Variants in ARPC3 observed in about 807,000 individuals in gnomAD.
ARPC3 encodes actin related protein 2/3 complex subunit 3, also known as actin-related protein 2/3 complex subunit 3.
ARPC3 carries 12 observed loss-of-function variants against 27.6 expected under a neutral mutation model. The observed-to-expected ratio is 0.43, with a 90% CI of 0.28 to 0.70. The LOEUF (loss-of-function observed/expected upper bound fraction) is 0.70. Ranked by LOEUF, ARPC3 falls within the 30% of genes least tolerant of loss-of-function variation. The pLI is 0.17. For synonymous variants in ARPC3, 53 were observed against 67.2 expected (o/e 0.79, Z 1.03); for missense variants, 153 against 207.7 (o/e 0.74, Z 1.62).
chr12:110,446,637 C>T (rs1398096033), intron 1 of ARPC3, among the ~76,000 whole-genome samples: 2 of 138,342 alleles, frequency 1.4e-5, no homozygotes, highest in African/African-American at 5.5e-5. Flanking sequence ...GAGACGGAGT[C>T]TTGCCCTGTC....
At chr12:110,437,659 C>T (rs568447012) in intron 3 of ARPC3, among the ~76,000 whole-genome samples, 2 of 152,242 alleles carry the variant, frequency 1.3e-5, no homozygotes, top group Admixed American at 6.5e-5. Context: ...TGAGCCACCA[C>T]GCTCGGCTGA....
At chr12:110,440,485 A>G in intron 2 of ARPC3, 97 bp from the exon 3 acceptor site, 6 of 803,504 alleles carry the variant, frequency 7.5e-6, no homozygotes, top group Non-Finnish European at 1.3e-5. Context: ...TACAACTGTC[A>G]ACAGTTGTGG....
chr12:110,450,159 C>T lies in ARPC3; in HGVS notation c.6+96G>A, dbSNP rs377345451. ...TCCTTCTCGGGCCCCAGCTTCCTCTCTGCCTTCCGCCGCCCGCTTCTCTCG... is the reference window on the plus strand; with the variant it reads ...TCCTTCTCGGGCCCCAGCTTCCTCTTTGCCTTCCGCCGCCCGCTTCTCTCG... On this transcript the variant is annotated intron_variant, in intron 1 of 6. Transcript: ENST00000228825. 3.2e-4 allele frequency: 494 copies of T among 1,550,268 alleles called. 4 individuals carry two copies. The South Asian group carries it at 5.1e-3, about 16-fold the overall frequency.
chr12:110,442,702 A>G (rs1339199044), intron 2 of ARPC3: 1 of 152,086 alleles, frequency 6.6e-6, no homozygotes, highest in Non-Finnish European at 1.5e-5. Context: ...TTCAGAAAAA[A>G]ACTCAATTAT....
intron 1 of ARPC3, 112 bp from the exon 2 acceptor site, chr12:110,445,663 G>T: frequency 1.2e-6 from 1 of 813,632 alleles, no homozygotes; most frequent in East Asian, 2.5e-5. Context: ...GATTAATTAG[G>T]GGAGGGAGAA....
intron 2 of ARPC3, chr12:110,445,157 G>C: frequency 2.9e-6 from 1 of 346,814 alleles, no homozygotes; most frequent in Non-Finnish European, 5.4e-6. Flanking sequence ...TGGCATTCTA[G>C]ACGTAACAGC....
intron 1 of ARPC3, among the ~76,000 whole-genome samples, chr12:110,448,784 G>T (rs1007834402): frequency 1.8e-5 from 2 of 109,364 alleles, no homozygotes; most frequent in Non-Finnish European, 4.0e-5. Context: ...TTTCCGGGGG[G>T]GGGGGGGGTG....
intron 6 of ARPC3, 55 bp from the exon 7 acceptor site, chr12:110,435,272 T>C (rs2062396564): frequency 1.5e-6 from 2 of 1,344,842 alleles, no homozygotes; most frequent in Admixed American, 3.5e-5. Flanking sequence ...CAATAGAATT[T>C]GCATTTATTT....
intron 4 of ARPC3, 54 bp from the exon 5 acceptor site, chr12:110,436,737 CACACACACACACACACAT>C: frequency 9.2e-7 from 1 of 1,089,876 alleles, no homozygotes; most frequent in Non-Finnish European, 1.3e-6. Flanking sequence ...CACACACACA[CACACACACACACACACAT>C]ATTTTACAGG....
intron 2 of ARPC3, 134 bp downstream of exon 2, chr12:110,445,318 C>T: frequency 1.4e-6 from 1 of 729,620 alleles, no homozygotes. Context: ...AGGTCTAGAC[C>T]ACAGTATCTA....
Position 110,436,548 on chromosome 12 carries a change from T to C in ARPC3, c.379+9A>G. On this transcript the variant is annotated intron_variant, in intron 5 of 6. Transcript: ENST00000228825. ...GTGTCACAGAGTGAGGATAGAGACCTGTTCTTACCATCTTCCTGTTTGTTT... is the reference window on the plus strand; with the variant it reads ...GTGTCACAGAGTGAGGATAGAGACCCGTTCTTACCATCTTCCTGTTTGTTT... The C allele has an allele frequency of 6.2e-7, 1 of 1,613,954 alleles. No individual in the cohort carries two copies. The highest frequency in any genetic ancestry group is 8.5e-7 in the Non-Finnish European group (1 of 1,179,950).
chr12:110,439,178 G>A (rs1210574461), intron 3 of ARPC3, among the ~76,000 whole-genome samples: 3 of 151,858 alleles, frequency 2.0e-5, no homozygotes, highest in Non-Finnish European at 4.4e-5. Flanking sequence ...TAGAGATGGG[G>A]TTTCGCTTTG....
intron 1 of ARPC3, among the ~76,000 whole-genome samples, chr12:110,449,053 C>T (rs1009730906): frequency 6.6e-6 from 1 of 151,854 alleles, no homozygotes; most frequent in South Asian, 2.1e-4. Flanking sequence ...GGATTACAGG[C>T]GTGAGCCACT....
In ARPC3 at chr12:110,436,567, T is replaced by C; in HGVS notation, c.369A>G (p.Lys123=). 1 of 1,613,916 alleles carries C rather than the reference T, an allele frequency of 6.2e-7. No homozygotes were observed. Among genetic ancestry groups the C allele is most frequent in the Non-Finnish European group, 8.5e-7 (1 of 1,179,936 alleles). ...LNAIYAKPAN[K]QEDEVMRAYL... ...GAGACCTGTTCTTACCATCTTCCTG[T>C]TTGTTTGCAGGTTTGGCATAAATTG... Residue 123 remains lysine, a synonymous_variant, in exon 5 of 7, where the codon AAA becomes AAG. Coordinates refer to ENST00000228825, the MANE Select transcript of ARPC3 (RefSeq NM_001278556.2).
intron 2 of ARPC3, among the ~76,000 whole-genome samples, chr12:110,444,419 G>A (rs1442438497): frequency 6.6e-6 from 1 of 151,884 alleles, no homozygotes; most frequent in African/African-American, 2.4e-5. Context: ...TGAGTAGCTG[G>A]GATCACAGGT....
chr12:110,438,326 G>A (rs1023935552), intron 3 of ARPC3, among the ~76,000 whole-genome samples: 3 of 150,070 alleles, frequency 2.0e-5, no homozygotes, highest in South Asian at 2.1e-4. Context: ...AAGGCCGGGT[G>A]CGGTGGCCCA....
In ARPC3 at chr12:110,436,219, T is replaced by A; in HGVS notation, c.380-15A>T. ...TCTCATCACTTCTAAAACAGAACAA[T>A]TTAAAAAAAACTGTATTTGCAAATA... On this transcript the variant is annotated splice_polypyrimidine_tract_variant and intron_variant, in intron 5 of 6. Transcript: ENST00000228825. The A allele has an allele frequency of 6.2e-7, 1 of 1,602,070 alleles. No homozygotes were observed. Among genetic ancestry groups the A allele is most frequent in the Admixed American group, 1.7e-5 (1 of 59,802 alleles).
At chr12:110,443,436 T>C (rs1308090145) in intron 2 of ARPC3, among the ~76,000 whole-genome samples, 1 of 150,630 alleles carries the variant, frequency 6.6e-6, no homozygotes, top group Non-Finnish European at 1.5e-5. Context: ...CTATTTTTTA[T>C]TTATTTATTT....
At chr12:110,438,923 G>A (rs923028500) in intron 3 of ARPC3, among the ~76,000 whole-genome samples, 12 of 151,612 alleles carry the variant, frequency 7.9e-5, no homozygotes, top group Non-Finnish European at 1.6e-4. Flanking sequence ...CAGAGGCACT[G>A]CGCCCAGCCA....
Sources: gnomAD v4.1 joint callset for allele counts (sites outside exome capture counted in the v4.1 genomes callset) on GRCh38, gnomAD v4.1.1 for gene constraint, MANE v1.5 for transcripts, NCBI Gene and HGNC (gene_info 2026-07-23, HGNC 2026-07-21) for gene names.